The following EIPR1 variants were observed in gnomAD, a reference collection of about 807,000 sequenced individuals.
The protein encoded by EIPR1 is EARP and GARP complex-interacting protein 1.
In EIPR1, 25 loss-of-function variants were observed where a neutral mutation model predicts 48.1. The ratio of observed to expected loss-of-function variants is 0.52; its 90% CI spans 0.38 to 0.73. The LOEUF is 0.73. Ranked by LOEUF, EIPR1 falls within the 30% of genes least tolerant of loss-of-function variation. The probability of loss-of-function intolerance (pLI) is 0.00; values close to 1 mark genes in which losing one functional copy is unlikely to be tolerated. For missense variants in EIPR1, 415 were observed against 506.2 expected, an observed-to-expected ratio of 0.82 and a Z score of 1.73; for synonymous variants, 204 against 201.9, an observed-to-expected ratio of 1.01 and a Z score of -0.09.
chr2:3,218,052 A>G (rs188684271), intron 4 of EIPR1, among the ~76,000 whole-genome samples: 161 of 151,646 alleles, frequency 1.1e-3, no homozygotes, highest in Non-Finnish European at 1.1e-3. Flanking sequence ...TAGAGCATTC[A>G]CAGTGAGTCA....
At chr2:3,294,281 TAC>T (rs1468794946) in intron 3 of EIPR1, among the ~76,000 whole-genome samples, 2 of 147,858 alleles carry the variant, frequency 1.4e-5, no homozygotes, top group East Asian at 4.1e-4. Flanking sequence ...CCATCCTCCC[TAC>T]ACACACACAC....
chr2:3,254,583 C>T (rs536845524), intron 4 of EIPR1, among the ~76,000 whole-genome samples: 3 of 152,234 alleles, frequency 2.0e-5, no homozygotes, highest in South Asian at 4.2e-4. Flanking sequence ...GGAATCAAGC[C>T]GAGTAAAGAA....
chr2:3,192,034 AGTGAAGACACTGACT>A (rs1664622815), intron 8 of EIPR1, among the ~76,000 whole-genome samples: 1 of 152,260 alleles, frequency 6.6e-6, no homozygotes, highest in African/African-American at 2.4e-5. Flanking sequence ...AATCCACGCC[AGTGAAGACACTGACT>A]GTGATGCGTC....
intron 1 of EIPR1, among the ~76,000 whole-genome samples, chr2:3,363,845 G>C (rs539931997): frequency 1.8e-4 from 27 of 148,778 alleles, no homozygotes; most frequent in Admixed American, 8.7e-4. Flanking sequence ...TTAAAAAATG[G>C]GCAAAAGATC....
chr2:3,269,644 A>G (rs1277557213), intron 3 of EIPR1, among the ~76,000 whole-genome samples: 1 of 149,198 alleles, frequency 6.7e-6, no homozygotes, highest in African/African-American at 2.5e-5. Flanking sequence ...CATCACACTC[A>G]ATCATCACAC....
chr2:3,372,661 T>A (rs1020208466), intron 1 of EIPR1, among the ~76,000 whole-genome samples: 1 of 151,798 alleles, frequency 6.6e-6, no homozygotes, highest in African/African-American at 2.4e-5. Context: ...ACACATACAC[T>A]CTCCCAAGAC....
intron 3 of EIPR1, chr2:3,319,496 A>C (rs1669424863): frequency 6.2e-6 from 1 of 162,556 alleles, no homozygotes; most frequent in Non-Finnish European, 1.3e-5. Context: ...GATGATGAAA[A>C]TGATGGAAGC....
chr2:3,340,823 G>A (rs1004633829), intron 2 of EIPR1, among the ~76,000 whole-genome samples: 9 of 152,078 alleles, frequency 5.9e-5, no homozygotes, highest in African/African-American at 1.7e-4. Flanking sequence ...TAGGCCAGGC[G>A]CGGTGGCTGA....
chr2:3,336,024 C>T (rs984907059), intron 3 of EIPR1, among the ~76,000 whole-genome samples: 1 of 152,100 alleles, frequency 6.6e-6, no homozygotes, highest in East Asian at 1.9e-4. Flanking sequence ...GTTAAAGCCT[C>T]GGGAAGATCA....
intron 3 of EIPR1, among the ~76,000 whole-genome samples, chr2:3,296,540 T>C (rs892006470): frequency 2.4e-5 from 3 of 126,246 alleles, no homozygotes; most frequent in South Asian, 2.9e-4. Flanking sequence ...ACACCCTCCA[T>C]CCAGTCCATC....
chr2:3,331,188 T>TGAG (rs1240824138), intron 3 of EIPR1, among the ~76,000 whole-genome samples: 1 of 80,112 alleles, frequency 1.2e-5, no homozygotes, highest in South Asian at 5.4e-4. Context: ...TGTACACTCA[T>TGAG]ATGGTGTGAG....
chr2:3,328,467 G>C (rs1229614239), intron 3 of EIPR1, among the ~76,000 whole-genome samples: 1 of 142,184 alleles, frequency 7.0e-6, no homozygotes, highest in Non-Finnish European at 1.5e-5. Flanking sequence ...CCCTGAATCA[G>C]AGCCCACCCA....
At chr2:3,343,288 C>A (rs1347421283) in intron 2 of EIPR1, among the ~76,000 whole-genome samples, 1 of 152,226 alleles carries the variant, frequency 6.6e-6, no homozygotes, top group Admixed American at 6.5e-5. Flanking sequence ...CCACCCTACA[C>A]CCAGCTCACC....
chr2:3,209,621 G>T (rs1483479071), intron 5 of EIPR1, among the ~76,000 whole-genome samples: 1 of 152,170 alleles, frequency 6.6e-6, no homozygotes, highest in African/African-American at 2.4e-5. Flanking sequence ...ATGCATAAAA[G>T]GAAAGACCAA....
rs115547346 is a variant in EIPR1, at chr2:3,302,074, T to C, written c.259+35943A>G. Among the ~76,000 whole-genome samples, 892 of 152,198 alleles carry C rather than the reference T, an allele frequency of 5.9e-3. 6 individuals carry two copies. Among genetic ancestry groups the C allele is most frequent in the African/African-American group, 0.02 (835 of 41,526 alleles). ...TGAGGCCACGCCAGCAGTGGGAAAA[T>C]CTCCAGAGTGGAACTGAATTCAAGA... On this transcript the variant is annotated intron_variant, in intron 3 of 8. Coordinates refer to ENST00000382125, the MANE Select transcript of EIPR1 (RefSeq NM_003310.5).
At chr2:3,350,445 C>A (rs1195571737) in intron 2 of EIPR1, among the ~76,000 whole-genome samples, 1 of 152,114 alleles carries the variant, frequency 6.6e-6, no homozygotes, top group Non-Finnish European at 1.5e-5. Flanking sequence ...CTGGGGATTA[C>A]AATTTAACAT....
At chr2:3,224,513 T>C (rs1159736685) in intron 4 of EIPR1, among the ~76,000 whole-genome samples, 1 of 152,136 alleles carries the variant, frequency 6.6e-6, no homozygotes, top group Admixed American at 6.5e-5. Flanking sequence ...GACTGGACAC[T>C]CTATCACAAG....
In EIPR1 at chr2:3,313,225, G is replaced by C. The variant is rs115071879; in HGVS notation, c.259+24792C>G. ...CAAAGTCTCATGTGAGGTGAAAGGGGTGCTGAGAGGGTTAAAGGCAGTGAG... is the reference window on the plus strand; with the variant it reads ...CAAAGTCTCATGTGAGGTGAAAGGGCTGCTGAGAGGGTTAAAGGCAGTGAG... On this transcript the variant is annotated intron_variant, in intron 3 of 8. Coordinates refer to ENST00000382125, the MANE Select transcript of EIPR1 (RefSeq NM_003310.5). Among the ~76,000 whole-genome samples, 590 of 152,328 alleles carry C rather than the reference G, an allele frequency of 3.9e-3. 3 individuals are homozygous for C. The highest frequency in any genetic ancestry group is 0.014 in the African/African-American group (574 of 41,580).
chr2:3,268,221 G>A lies in EIPR1; in HGVS notation c.260-10766C>T, dbSNP rs140094866. The stretch of plus-strand genomic sequence containing the variant: ...CCACACCAGCTCCGGGAGGCCTGGG[G>A]CCCGCGCCAGCATCCTGGTTCCCTC... On this transcript the variant is annotated intron_variant, in intron 3 of 8. Coordinates refer to ENST00000382125, the MANE Select transcript of EIPR1 (RefSeq NM_003310.5). 7.9e-5 allele frequency among the ~76,000 whole-genome samples: 12 copies of A among 152,288 alleles called. No individual in the cohort carries two copies. The East Asian group carries it at 2.3e-3, about 29-fold the overall frequency.
Sources: gnomAD v4.1 joint callset for allele counts (sites outside exome capture counted in the v4.1 genomes callset) on GRCh38, gnomAD v4.1.1 for gene constraint, MANE v1.5 for transcripts, NCBI Gene and HGNC (gene_info 2026-07-23, HGNC 2026-07-21) for gene names.